Variants in MNAT1 observed in about 807,000 individuals in gnomAD.
MNAT1 encodes CDK-activating kinase assembly factor MAT1.
A neutral mutation model predicts 42.0 loss-of-function variants in MNAT1; 43 were observed. The ratio of observed to expected loss-of-function variants is 1.02; its 90% CI spans 0.80 to 1.32. MNAT1 has a LOEUF of 1.32. MNAT1 is among the 40% of genes most tolerant of loss of function. The pLI is 0.00. For missense variants in MNAT1, 306 were observed against 350.4 expected, an observed-to-expected ratio of 0.87 and a Z score of 1.01; for synonymous variants, 118 against 120.0, an observed-to-expected ratio of 0.98 and a Z score of 0.11.
chr14:60,876,257 C>G (rs989775540), intron 6 of MNAT1, among the ~76,000 whole-genome samples: 2 of 152,008 alleles, frequency 1.3e-5, no homozygotes, highest in Non-Finnish European at 2.9e-5. Context: ...TTAACAGTTT[C>G]ATGTTTATTT....
At chr14:60,923,030 A>G (rs1436536432) in intron 7 of MNAT1, among the ~76,000 whole-genome samples, 1 of 152,198 alleles carries the variant, frequency 6.6e-6, no homozygotes, top group African/African-American at 2.4e-5. Flanking sequence ...CTACTTGGGA[A>G]TGGTACTTTA....
intron 1 of MNAT1, among the ~76,000 whole-genome samples, chr14:60,795,215 A>T (rs1399274624): frequency 1.3e-5 from 2 of 152,196 alleles, no homozygotes; most frequent in Non-Finnish European, 2.9e-5. Flanking sequence ...CCTACACAGC[A>T]TGTTGAGTTG....
chr14:60,815,799 A>C lies in MNAT1; in HGVS notation c.562-2923A>C, dbSNP rs533549461. On this transcript the variant is annotated intron_variant, in intron 5 of 7. Transcript: ENST00000261245. Reference sequence around the variant, plus strand: ...TTTACTGTATTCATTAGTGCAATTAATTACAACAGATTGGTTTAGAATACC... The same window carrying C: ...TTTACTGTATTCATTAGTGCAATTACTTACAACAGATTGGTTTAGAATACC... Among the ~76,000 whole-genome samples, 7 of 152,336 alleles carry C rather than the reference A, an allele frequency of 4.6e-5. No individual in the cohort carries two copies. In the South Asian group the frequency reaches 1.5e-3, roughly 32 times the overall value.
chr14:60,914,111 G>T (rs150945807), intron 7 of MNAT1, among the ~76,000 whole-genome samples: 288 of 152,330 alleles, frequency 1.9e-3, no homozygotes, highest in African/African-American at 6.8e-3. Context: ...TGTGGGCGTA[G>T]GACCCTCCGA....
At chr14:60,757,730 A>G (rs901929882) in intron 1 of MNAT1, among the ~76,000 whole-genome samples, 37 of 152,322 alleles carry the variant, frequency 2.4e-4, no homozygotes, top group African/African-American at 8.9e-4. Flanking sequence ...TAACTAGAAC[A>G]TATGTAGAAT....
At chr14:60,741,794 T>C (rs2351273) in intron 1 of MNAT1, among the ~76,000 whole-genome samples, 140,039 of 151,624 alleles carry the variant, frequency 0.92, 64,887 homozygotes, top group Non-Finnish European at 0.96. Flanking sequence ...AAGAGTGAGC[T>C]GCTGTACCTG....
chr14:60,960,726 A>T (rs760889237), intron 7 of MNAT1, among the ~76,000 whole-genome samples: 1 of 149,808 alleles, frequency 6.7e-6, no homozygotes, highest in Non-Finnish European at 1.5e-5. Flanking sequence ...TCTCCTTCCC[A>T]CCCTCATATT....
intron 6 of MNAT1, among the ~76,000 whole-genome samples, chr14:60,840,265 A>G (rs778834940): frequency 6.6e-6 from 1 of 152,224 alleles, no homozygotes; most frequent in Non-Finnish European, 1.5e-5. Context: ...CCTGTGTGAG[A>G]AAATGAAAAG....
chr14:60,741,209 C>T (rs983534273), intron 1 of MNAT1, among the ~76,000 whole-genome samples: 7 of 152,220 alleles, frequency 4.6e-5, no homozygotes, highest in African/African-American at 1.7e-4. Flanking sequence ...TTTTTCCGTT[C>T]ATTTACTTTA....
At chr14:60,961,487 T>G (rs557904170) in intron 7 of MNAT1, among the ~76,000 whole-genome samples, 255 of 152,306 alleles carry the variant, frequency 1.7e-3, no homozygotes, top group African/African-American at 5.7e-3. Flanking sequence ...TATACTCCCC[T>G]TGCCTTCCTA....
chr14:60,803,034 G>T (rs1322220565), intron 3 of MNAT1, among the ~76,000 whole-genome samples: 1 of 150,442 alleles, frequency 6.6e-6, no homozygotes, highest in Non-Finnish European at 1.5e-5. Flanking sequence ...CCGGGTTTAA[G>T]CAATTATCTG....
intron 1 of MNAT1, among the ~76,000 whole-genome samples, chr14:60,748,212 G>T (rs2029915109): frequency 6.6e-6 from 1 of 151,274 alleles, no homozygotes; most frequent in Non-Finnish European, 1.5e-5. Context: ...AAAAAAAAAA[G>T]AAGAAAATAT....
At chr14:60,859,143 C>G (rs1356235583) in intron 6 of MNAT1, among the ~76,000 whole-genome samples, 1 of 152,140 alleles carries the variant, frequency 6.6e-6, no homozygotes, top group African/African-American at 2.4e-5. Context: ...TTGTCCTTGT[C>G]ACATATATTT....
At chr14:60,940,251 A>T (rs984077602) in intron 7 of MNAT1, among the ~76,000 whole-genome samples, 5 of 152,070 alleles carry the variant, frequency 3.3e-5, no homozygotes, top group African/African-American at 1.2e-4. Flanking sequence ...TAATATTGTT[A>T]TGTGTGAATT....
chr14:60,826,587 G>T (rs554404873), intron 6 of MNAT1, among the ~76,000 whole-genome samples: 2 of 152,076 alleles, frequency 1.3e-5, no homozygotes, highest in South Asian at 4.2e-4. Context: ...CCAAAGTGCT[G>T]GGATTATAGG....
At chr14:60,911,150 T>G (rs1176572402) in intron 7 of MNAT1, among the ~76,000 whole-genome samples, 5 of 152,240 alleles carry the variant, frequency 3.3e-5, no homozygotes, top group Admixed American at 3.3e-4. Context: ...AGTTTGTATT[T>G]CTGTGGGATC....
At chr14:60,813,657 A>G (rs558331094) in intron 5 of MNAT1, among the ~76,000 whole-genome samples, 63 of 152,322 alleles carry the variant, frequency 4.1e-4, no homozygotes, top group African/African-American at 1.5e-3. Flanking sequence ...CACAGTATGT[A>G]CTGGGGAAAA....
At chr14:60,864,449 G>A (rs2034161867) in intron 6 of MNAT1, among the ~76,000 whole-genome samples, 2 of 151,916 alleles carry the variant, frequency 1.3e-5, no homozygotes, top group Admixed American at 1.3e-4. Flanking sequence ...GATTTTAGCA[G>A]GATAGGGTTT....
At chr14:60,774,023 A>T (rs1322727000) in intron 1 of MNAT1, among the ~76,000 whole-genome samples, 1 of 152,238 alleles carries the variant, frequency 6.6e-6, no homozygotes, top group Non-Finnish European at 1.5e-5. Context: ...TGGCATAATT[A>T]GCTATGAGAG....
Sources: gnomAD v4.1 joint callset for allele counts (sites outside exome capture counted in the v4.1 genomes callset) on GRCh38, gnomAD v4.1.1 for gene constraint, MANE v1.5 for transcripts, NCBI Gene and HGNC (gene_info 2026-07-23, HGNC 2026-07-21) for gene names.